The following ZNF536 variants were observed in gnomAD, a reference collection of about 807,000 sequenced individuals.
ZNF536 encodes the protein zinc finger protein 536.
In ZNF536, 13 loss-of-function variants were observed where a neutral mutation model predicts 84.5. That is an observed-to-expected ratio of 0.15 (90% CI 0.10 to 0.24). The LOEUF is 0.24. Among genes scored for constraint, ZNF536 ranks in the 10% least tolerant of loss-of-function variants. The pLI is 1.00. For synonymous variants in ZNF536, 811 were observed against 742.5 expected (o/e 1.09, Z -1.50); for missense variants, 1,536 against 1,747.5 (o/e 0.88, Z 2.16).
At chr19:30,341,950 A>G (rs2047578268) in intron 2 of ZNF536, among the ~76,000 whole-genome samples, 1 of 152,240 alleles carries the variant, frequency 6.6e-6, no homozygotes, top group Admixed American at 6.5e-5. Context: ...GATTTGACCA[A>G]TAAAAATCAT....
intron 1 of ZNF536, among the ~76,000 whole-genome samples, chr19:30,281,046 T>A (rs1176812509): frequency 6.6e-6 from 1 of 152,072 alleles, no homozygotes; most frequent in Non-Finnish European, 1.5e-5. Context: ...TGTGTCAGGA[T>A]GGGTCAGAGC....
chr19:30,618,040 TC>T (rs1276745653), intron 1 of ZNF536, among the ~76,000 whole-genome samples: 1 of 152,252 alleles, frequency 6.6e-6, no homozygotes, highest in Admixed American at 6.5e-5. Context: ...GCTGTTTATT[TC>T]TTCATATGCT....
intron 2 of ZNF536, among the ~76,000 whole-genome samples, chr19:30,453,730 A>G (rs2052712028): frequency 6.6e-6 from 1 of 152,214 alleles, no homozygotes; most frequent in Non-Finnish European, 1.5e-5. Context: ...ATCTTCAGCT[A>G]CCTGATGGGT....
chr19:30,670,497 C>T (rs1020848689), intron 1 of ZNF536, among the ~76,000 whole-genome samples: 4 of 152,240 alleles, frequency 2.6e-5, no homozygotes, highest in African/African-American at 9.6e-5. Context: ...CAAGCACCTA[C>T]TCAACACGGG....
intron 3 of ZNF536, among the ~76,000 whole-genome samples, chr19:30,539,805 G>A (rs1428300048): frequency 6.6e-6 from 1 of 152,180 alleles, no homozygotes; most frequent in Admixed American, 6.5e-5. Context: ...TGACCCCCTG[G>A]TGGGTGAGCA....
intron 2 of ZNF536, among the ~76,000 whole-genome samples, chr19:30,311,952 C>A (rs1430006168): frequency 6.6e-6 from 1 of 152,046 alleles, no homozygotes; most frequent in African/African-American, 2.4e-5. Context: ...CCTGTCAGCC[C>A]AGCTACTTAG....
chr19:30,433,009 G>A (rs552218211), intron 1 of ZNF536, among the ~76,000 whole-genome samples: 7 of 152,118 alleles, frequency 4.6e-5, no homozygotes, highest in Admixed American at 2.6e-4. Context: ...TTCTTGAGCC[G>A]CTGTTTTGCC....
chr19:30,703,622 C>T (rs1032464101), intron 1 of ZNF536, among the ~76,000 whole-genome samples: 8 of 152,222 alleles, frequency 5.3e-5, no homozygotes, highest in East Asian at 3.9e-4. Flanking sequence ...GTGCTACCTG[C>T]GGCAGGAAGC....
intron 1 of ZNF536, among the ~76,000 whole-genome samples, chr19:30,603,399 T>G (rs908472065): frequency 6.6e-6 from 1 of 152,234 alleles, no homozygotes; most frequent in African/African-American, 2.4e-5. Flanking sequence ...ATAGATCCGA[T>G]GGAGATAGCA....
chr19:30,688,494 A>G, intron 1 of ZNF536, among the ~76,000 whole-genome samples: 1 of 152,202 alleles, frequency 6.6e-6, no homozygotes, highest in East Asian at 1.9e-4. Context: ...TCATATTTTG[A>G]GAGTCTTTTA....
intron 1 of ZNF536, among the ~76,000 whole-genome samples, chr19:30,397,539 G>C (rs2049872670): frequency 6.6e-6 from 1 of 152,172 alleles, no homozygotes; most frequent in African/African-American, 2.4e-5. Context: ...TTACAACTGA[G>C]TGTGAATCTA....
intron 1 of ZNF536, among the ~76,000 whole-genome samples, chr19:30,411,543 A>G (rs934505325): frequency 2.6e-5 from 4 of 152,178 alleles, no homozygotes; most frequent in Admixed American, 6.5e-5. Context: ...TATTTTTTAA[A>G]TGCATAGACT....
chr19:30,398,418 A>G (rs140494261), intron 1 of ZNF536, among the ~76,000 whole-genome samples: 157 of 147,272 alleles, frequency 1.1e-3, no homozygotes, highest in African/African-American at 3.8e-3. Flanking sequence ...AGTTTAAGTT[A>G]TAGGGTACAT....
At chr19:30,669,697 G>A (rs183686763) in intron 1 of ZNF536, among the ~76,000 whole-genome samples, 4 of 152,328 alleles carry the variant, frequency 2.6e-5, no homozygotes, top group Admixed American at 2.6e-4. Flanking sequence ...GGGGCTGCGT[G>A]GGGTAGAGGG....
At chr19:30,381,161 A>G (rs2049006407) in intron 1 of ZNF536, among the ~76,000 whole-genome samples, 1 of 152,234 alleles carries the variant, frequency 6.6e-6, no homozygotes, top group African/African-American at 2.4e-5. Context: ...TACAGGTGTG[A>G]GCCACCACCA....
At chr19:30,644,234 T>C (rs1292979299) in intron 1 of ZNF536, among the ~76,000 whole-genome samples, 1 of 152,222 alleles carries the variant, frequency 6.6e-6, no homozygotes, top group Non-Finnish European at 1.5e-5. Flanking sequence ...TTTATATGTA[T>C]ATTTTTAAAA....
chr19:30,406,447 C>T (rs1226309455), intron 1 of ZNF536, among the ~76,000 whole-genome samples: 1 of 152,142 alleles, frequency 6.6e-6, no homozygotes, highest in African/African-American at 2.4e-5. Context: ...TCCAGGCCAA[C>T]AGGGATTTTG....
chr19:30,332,709 G>A (rs1758869028), intron 2 of ZNF536, among the ~76,000 whole-genome samples: 1 of 152,134 alleles, frequency 6.6e-6, no homozygotes, highest in Non-Finnish European at 1.5e-5. Flanking sequence ...AAGCCTATGT[G>A]GGAAAGGGCC....
chr19:30,368,787 G>T (rs373771798), upstream of ZNF536, among the ~76,000 whole-genome samples: 19 of 152,294 alleles, frequency 1.2e-4, no homozygotes, highest in African/African-American at 4.6e-4. Flanking sequence ...GAATCTCACC[G>T]GGTCCAAGGG....
Sources: allele counts gnomAD v4.1 joint callset (sites outside exome capture counted in the v4.1 genomes callset), GRCh38; gene constraint gnomAD v4.1.1; transcripts MANE v1.5; gene names NCBI Gene and HGNC (gene_info 2026-07-23, HGNC 2026-07-21).